ZC3H11A: variants seen among roughly 807,000 people sequenced by gnomAD.
The protein encoded by ZC3H11A is zinc finger CCCH domain-containing protein 11A.
In ZC3H11A, 22 loss-of-function variants were observed where a neutral mutation model predicts 90.8. That is an observed-to-expected ratio of 0.24 (90% CI 0.17 to 0.35). The LOEUF (loss-of-function observed/expected upper bound fraction) is 0.35, where lower values mean the gene tolerates loss of function less well. ZC3H11A is among the 10% of genes least tolerant of loss of function. The pLI, the probability that ZC3H11A is intolerant of heterozygous loss-of-function variation, is 1.00. For missense variants in ZC3H11A, 701 were observed against 964.9 expected (o/e 0.73, Z 3.62); for synonymous variants, 294 against 339.8 (o/e 0.87, Z 1.48).
At position 203,799,370 on chromosome 1, in the gene ZC3H11A, T is replaced by C. The variant is rs891667321; in HGVS notation, c.-1587-2205T>C. On this transcript the variant is annotated intron_variant, in intron 1 of 17. Transcript: ENST00000367210. ...CTGCCAGGAAAACTTGTCATCATTT[T>C]AGTCATTCGGTCAAGGCCCGTCAGA... 1.4e-5 allele frequency: 10 copies of C among 703,906 alleles called. No homozygotes were observed. The East Asian group carries it at 2.1e-4, about 15-fold the overall frequency. The allele number at this position is 703,906 out of a possible 1,614,324, so 43.6% of individuals were successfully genotyped here. A position where few individuals can be genotyped will look rare whatever the true frequency, so the allele number is the denominator to read the frequency against.
At chr1:203,796,235 C>G (rs1558084056) in intron 1 of ZC3H11A, 1 of 393,938 alleles carries the variant, frequency 2.5e-6, no homozygotes, top group Non-Finnish European at 4.5e-6. Flanking sequence ...CCCTCACTGC[C>G]TAAATCAATC....
intron 11 of ZC3H11A, among the ~76,000 whole-genome samples, 180 bp from the exon 12 acceptor site, chr1:203,840,126 A>T (rs560767712): frequency 1.3e-5 from 2 of 152,108 alleles, no homozygotes; most frequent in Non-Finnish European, 2.9e-5. Context: ...TTTAGTAGAG[A>T]TGGGGTTTCA....
At chr1:203,821,814 G>C (rs1391533266) in intron 4 of ZC3H11A, among the ~76,000 whole-genome samples, 2 of 151,412 alleles carry the variant, frequency 1.3e-5, no homozygotes, top group East Asian at 3.9e-4. Context: ...CTGGAGTGCA[G>C]TGGCGCGATC....
At chr1:203,850,439 A>G (rs538792836) in intron 15 of ZC3H11A, 76 bp from the exon 16 acceptor site, 5 of 1,567,174 alleles carry the variant, frequency 3.2e-6, no homozygotes, top group Non-Finnish European at 4.4e-6. Flanking sequence ...AGGAGTTTTG[A>G]TATTTTATTC....
At chr1:203,832,632 A>G (rs1682767710) in intron 9 of ZC3H11A, among the ~76,000 whole-genome samples, 1 of 152,144 alleles carries the variant, frequency 6.6e-6, no homozygotes, top group African/African-American at 2.4e-5. Flanking sequence ...AATTGCTGGG[A>G]TTATAGGTGT....
chr1:203,852,747 C>G lies in ZC3H11A; in HGVS notation c.*348C>G, dbSNP rs1314818526. ...GTTTGTCAGTTTTGGCTTTTTTCTT[C>G]TTTGTTGTATTCTTTATGTATTGTC... On this transcript the variant is annotated 3_prime_UTR_variant, in exon 18 of 18. Coordinates refer to ENST00000367210, the MANE Select transcript of ZC3H11A (RefSeq NM_001376342.1). 3.4e-6 allele frequency: 1 copy of G among 296,006 alleles called. No individual in the cohort carries two copies. Among genetic ancestry groups the G allele is most frequent in the Non-Finnish European group, 6.4e-6 (1 of 156,652 alleles). The allele number at this position is 296,006 out of a possible 1,614,324, so 18.3% of individuals were successfully genotyped here.
chr1:203,799,053 C>G, intron 1 of ZC3H11A: 2 of 1,536,124 alleles, frequency 1.3e-6, no homozygotes, highest in Non-Finnish European at 1.7e-6. Flanking sequence ...TGCGTCTTTT[C>G]TCAATAATGG....
intron 10 of ZC3H11A, among the ~76,000 whole-genome samples, chr1:203,834,365 G>A (rs1683503856): frequency 6.6e-6 from 1 of 152,106 alleles, no homozygotes; most frequent in South Asian, 2.1e-4. Context: ...TCCACCTCCT[G>A]GACTCAAGTG....
intron 4 of ZC3H11A, among the ~76,000 whole-genome samples, chr1:203,819,551 T>TTTTTTTTTTTTTTTA (rs1677741962): frequency 1.2e-5 from 1 of 83,014 alleles, no homozygotes; most frequent in Non-Finnish European, 2.4e-5. Flanking sequence ...TTTTTTTTTT[T>TTTTTTTTTTTTTTTA]GAGACAGAGT....
At chr1:203,816,123 T>C (rs35400764) in intron 2 of ZC3H11A, among the ~76,000 whole-genome samples, 16,963 of 152,278 alleles carry the variant, frequency 0.11, 1,177 homozygotes, top group Non-Finnish European at 0.15. Flanking sequence ...CACCTAGTTA[T>C]GATTATATAC....
intron 1 of ZC3H11A, chr1:203,799,326 A>G: frequency 1.4e-6 from 1 of 708,120 alleles, no homozygotes; most frequent in East Asian, 2.7e-5. Flanking sequence ...GCACAAAAGC[A>G]TTGAGAATAT....
chr1:203,821,486 G>A (rs1427231678), intron 4 of ZC3H11A, among the ~76,000 whole-genome samples: 4 of 152,158 alleles, frequency 2.6e-5, no homozygotes, highest in African/African-American at 4.8e-5. Context: ...ACTGATTTTT[G>A]TGTTCTTTTG....
intron 12 of ZC3H11A, among the ~76,000 whole-genome samples, chr1:203,842,922 G>A (rs570542104): frequency 2.2e-3 from 144 of 64,774 alleles, no homozygotes; most frequent in African/African-American, 2.7e-3. Context: ...TCAGCCTTCC[G>A]TCTTTTTTTT....
At chr1:203,821,180 G>A (rs1156810667) in intron 4 of ZC3H11A, among the ~76,000 whole-genome samples, 1 of 152,046 alleles carries the variant, frequency 6.6e-6, no homozygotes, top group Non-Finnish European at 1.5e-5. Context: ...TTAAAAGTGT[G>A]GGACTCCCTT....
At chr1:203,796,983 C>T (rs1668743832) in intron 1 of ZC3H11A, 1 of 153,174 alleles carries the variant, frequency 6.5e-6, no homozygotes, top group Admixed American at 6.5e-5. Flanking sequence ...TGGCAAATCA[C>T]AGTCCTAAAT....
chr1:203,820,532 C>T (rs948954889), intron 4 of ZC3H11A, among the ~76,000 whole-genome samples: 3 of 150,392 alleles, frequency 2.0e-5, no homozygotes, highest in African/African-American at 7.4e-5. Context: ...GGCTGGAGTG[C>T]AGTGGTGGGA....
chr1:203,817,643 T>G lies in ZC3H11A; in HGVS notation c.54+519T>G, dbSNP rs144902688. ...TTGTCAAAACTTCTGTTTTTCTCCT[T>G]GATTCTTTTGCAGCTCTATTTACAT... On this transcript the variant is annotated intron_variant, in intron 3 of 17. Coordinates refer to ENST00000367210, the MANE Select transcript of ZC3H11A (RefSeq NM_001376342.1). Among the ~76,000 whole-genome samples the G allele has an allele frequency of 5.8e-3, 876 of 152,232 alleles. 11 individuals carry two copies. Among genetic ancestry groups the G allele is most frequent in the African/African-American group, 0.018 (731 of 41,578 alleles).
At position 203,833,811 on chromosome 1, in the gene ZC3H11A, T is replaced by C. The variant is rs776884286; in HGVS notation, c.832T>C (p.Leu278=). The part of the protein sequence containing the change: ...TKQGEEPLVR[L]SLTERLGKRK... ...TTCAGGAGAAGAACCCTTGGTTAGA[T>C]TGAGTCTTACTGAGAGACTGGGGAA... Residue 278 remains leucine (L), a synonymous_variant, in exon 10 of 18, where the codon TTG becomes CTG. Transcript: ENST00000367210. 3.7e-6 allele frequency: 6 copies of C among 1,609,802 alleles called. No individual in the cohort carries two copies. The highest frequency in any genetic ancestry group is 2.7e-5 in the African/African-American group (2 of 74,728).
rs748828658 is a variant in ZC3H11A, at chr1:203,829,870, G to T, written c.593G>T (p.Arg198Leu). The change falls in exon 7 of 18, where the codon CGG (arginine) becomes CTG (leucine). Residue 198 changes from arginine (R) to leucine (L), a missense_variant. Transcript: ENST00000367210. Reference sequence around the variant, plus strand: ...AATGGATTACGAGTGACTTCTGTCCGGAAACCTGCAGTCAATATAAAGCAA... The same window carrying T: ...AATGGATTACGAGTGACTTCTGTCCTGAAACCTGCAGTCAATATAAAGCAA... ...VHNGLRVTSVRKPAVNIKQGE... is the reference protein window; with the variant it reads ...VHNGLRVTSVLKPAVNIKQGE... The T allele has an allele frequency of 1.9e-6, 3 of 1,614,030 alleles. No homozygotes were observed. Among genetic ancestry groups the T allele is most frequent in the Non-Finnish European group, 2.5e-6 (3 of 1,179,938 alleles).
Sources: gnomAD v4.1 joint callset for allele counts (sites outside exome capture counted in the v4.1 genomes callset) on GRCh38, gnomAD v4.1.1 for gene constraint, MANE v1.5 for transcripts, NCBI Gene and HGNC (gene_info 2026-07-23, HGNC 2026-07-21) for gene names.